The following PCDHGA3 variants were observed in gnomAD, a reference collection of about 807,000 sequenced individuals.
PCDHGA3 encodes the protein protocadherin gamma subfamily A, 3, also known as protocadherin gamma-A3.
Under a neutral mutation model 58.5 loss-of-function variants are expected in PCDHGA3, and 40 were observed. The ratio of observed to expected loss-of-function variants is 0.68; its 90% CI spans 0.53 to 0.89. The LOEUF (loss-of-function observed/expected upper bound fraction) is 0.89. Among genes scored for constraint, PCDHGA3 ranks in the 40% least tolerant of loss-of-function variants. The probability of loss-of-function intolerance (pLI) is 0.00; values close to 1 mark genes in which losing one functional copy is unlikely to be tolerated. For synonymous variants in PCDHGA3, 530 were observed against 525.7 expected (o/e 1.01, Z -0.11); for missense variants, 1,223 against 1,195.9 (o/e 1.02, Z -0.33).
chr5:141,486,608 G>A lies in PCDHGA3; in HGVS notation c.2425-8199G>A. On this transcript the variant is annotated intron_variant, in intron 1 of 3. Transcript: ENST00000253812. The surrounding 1 kb of genome is among the most constrained non-coding windows in gnomAD (Gnocchi z 5.0). ...AGGGGACCTGCTTTGCTCCCTTGCAGCCTCTGACCCAGACTCTGGCTTGAA... is the reference window on the plus strand; with the variant it reads ...AGGGGACCTGCTTTGCTCCCTTGCAACCTCTGACCCAGACTCTGGCTTGAA... 3 of 1,613,546 alleles carry A rather than the reference G, an allele frequency of 1.9e-6. No homozygotes were observed. The highest frequency in any genetic ancestry group is 2.5e-6 in the Non-Finnish European group (3 of 1,180,024).
At chr5:141,368,396 C>T (rs1039446305) in intron 1 of PCDHGA3, among the ~76,000 whole-genome samples, 12 of 152,102 alleles carry the variant, frequency 7.9e-5, no homozygotes, top group African/African-American at 2.9e-4. Flanking sequence ...CACACACAAA[C>T]ACACATACAT....
Position 141,416,159 on chromosome 5 carries a change from T to C in PCDHGA3, c.2424+69702T>C, listed in dbSNP as rs116406525. ...CTATACTTTGTGGTGATAGTTGCAG[T>C]TGAATATACTAAGTTTTTCATTAAT... On this transcript the variant is annotated intron_variant, in intron 1 of 3. Transcript: ENST00000253812. 1,471 of 153,024 alleles carry C rather than the reference T, an allele frequency of 9.6e-3. 10 individuals carry two copies. Among genetic ancestry groups the C allele is most frequent in the Non-Finnish European group, 0.015 (1,026 of 68,518 alleles). 9.5% of individuals were successfully genotyped at this position (153,024 alleles called of 1,614,324 possible).
At chr5:141,415,182 C>A (rs2095840318) in intron 1 of PCDHGA3, 1 of 1,613,842 alleles carries the variant, frequency 6.2e-7, no homozygotes, top group Admixed American at 1.7e-5. Flanking sequence ...TGGCCGTGGC[C>A]GACAGCATCC....
chr5:141,353,795 T>C (rs1759386417), intron 1 of PCDHGA3, among the ~76,000 whole-genome samples: 1 of 152,218 alleles, frequency 6.6e-6, no homozygotes. Flanking sequence ...TTTCCAAACA[T>C]CTTATTTCAC....
chr5:141,390,728 G>A (rs550991911), intron 1 of PCDHGA3: 12 of 194,328 alleles, frequency 6.2e-5, no homozygotes, highest in Admixed American at 2.2e-4. Context: ...AATTTAACTG[G>A]TATGGTCTCC....
At chr5:141,428,136 G>A in intron 1 of PCDHGA3, 2 of 1,600,778 alleles carry the variant, frequency 1.2e-6, no homozygotes, top group South Asian at 1.1e-5. Flanking sequence ...TTTCAGCCTG[G>A]GGCTGCACAC....
At chr5:141,444,183 T>G (rs2098423667) in intron 1 of PCDHGA3, among the ~76,000 whole-genome samples, 1 of 138,396 alleles carries the variant, frequency 7.2e-6, no homozygotes, top group African/African-American at 2.8e-5. Flanking sequence ...TTTTTTTTTT[T>G]TTTTTGAGAT....
At chr5:141,394,657 G>A (rs1179529074) in intron 1 of PCDHGA3, 2 of 1,613,220 alleles carry the variant, frequency 1.2e-6, no homozygotes, top group East Asian at 2.2e-5. Flanking sequence ...AGCGAGCCGG[G>A]ACTCTTCTCG....
Position 141,489,941 on chromosome 5 carries a change from A to G in PCDHGA3, c.2425-4866A>G. Reference sequence around the variant, plus strand: ...ACCCTTATCTCTGTCATCGTGCTGGACATCAATGATAATGCTCCAACCTTC... The same window carrying G: ...ACCCTTATCTCTGTCATCGTGCTGGGCATCAATGATAATGCTCCAACCTTC... On this transcript the variant is annotated intron_variant, in intron 1 of 3. Transcript: ENST00000253812. The surrounding 1 kb of genome is among the most constrained non-coding windows in gnomAD (Gnocchi z 4.5). 1.2e-6 allele frequency: 2 copies of G among 1,614,228 alleles called. No homozygotes were observed. The highest frequency in any genetic ancestry group is 1.7e-6 in the Non-Finnish European group (2 of 1,180,034).
intron 1 of PCDHGA3, chr5:141,409,185 C>G (rs765063807): frequency 6.2e-7 from 1 of 1,614,024 alleles, no homozygotes; most frequent in South Asian, 1.1e-5. Flanking sequence ...GGTGGTCTCT[C>G]TACCCAGTGT....
chr5:141,356,178 T>G, intron 1 of PCDHGA3: 1 of 1,612,292 alleles, frequency 6.2e-7, no homozygotes, highest in Non-Finnish European at 8.5e-7. Flanking sequence ...ATGGGCCTGG[T>G]CTCCGAGCTA....
rs1182631562 is a variant in PCDHGA3, at chr5:141,345,356, T to A, written c.1323T>A (p.His441Gln). 1 of 1,614,098 alleles carries A rather than the reference T, an allele frequency of 6.2e-7. No homozygotes were observed. The highest frequency in any genetic ancestry group is 1.3e-5 in the African/African-American group (1 of 75,016). The change falls in exon 1 of 4, where the codon CAT (histidine) becomes CAA (glutamine). Residue 441 changes from histidine (H) to glutamine (Q), a missense_variant. Around this residue, in one of 3 missense-constraint regions of PCDHGA3, gnomAD observed 791 missense variants for 708.5 expected, o/e 1.12. Coordinates refer to ENST00000253812, the MANE Select transcript of PCDHGA3 (RefSeq NM_018916.4). ...CCACAGAAACTCACATCACCCTGCATGTGATTGACATCAATGACAACCCAC... is the reference window on the plus strand; with the variant it reads ...CCACAGAAACTCACATCACCCTGCAAGTGATTGACATCAATGACAACCCAC... ...PLSTETHITL[H>Q]VIDINDNPPT...
intron 1 of PCDHGA3, among the ~76,000 whole-genome samples, chr5:141,452,745 GGAA>G (rs2098748194): frequency 6.6e-6 from 1 of 152,054 alleles, no homozygotes; most frequent in Non-Finnish European, 1.5e-5. Flanking sequence ...AGAGAGAGAA[GGAA>G]GAAGGAAGGG....
intron 1 of PCDHGA3, chr5:141,364,619 G>T (rs764798507): frequency 6.2e-6 from 10 of 1,614,152 alleles, no homozygotes; most frequent in Non-Finnish European, 8.5e-6. Context: ...GGAGCTCTGC[G>T]CTCAGAGCCC....
intron 1 of PCDHGA3, chr5:141,374,002 C>A (rs1770015960): frequency 1.5e-6 from 2 of 1,320,574 alleles, no homozygotes; most frequent in South Asian, 4.1e-5. Flanking sequence ...AGGACCTTCA[C>A]CGCTATTTCT....
chr5:141,464,290 A>AC (rs1287070540), intron 1 of PCDHGA3, among the ~76,000 whole-genome samples: 1 of 149,916 alleles, frequency 6.7e-6, no homozygotes, highest in Non-Finnish European at 1.5e-5. Context: ...AAAAAAAAAA[A>AC]CTCCATTGTA....
chr5:141,468,330 CAA>C lies in PCDHGA3; in HGVS notation c.2425-26459_2425-26458del, dbSNP rs533390277. 202 of 79,822 alleles carry C rather than the reference CAA, an allele frequency of 2.5e-3. 2 individuals are homozygous for C. The highest frequency in any genetic ancestry group is 7.9e-3 in the Middle Eastern group (1 of 126). The allele number at this position is 79,822 out of a possible 1,614,324, so 4.9% of individuals were successfully genotyped here. Reference sequence around the variant, plus strand: ...ACAAGAGCAACGGTAAACTCCATCTCAAAAAAAAAAAAAAAAAAAGAAAGAAA... The same window carrying C: ...ACAAGAGCAACGGTAAACTCCATCTCAAAAAAAAAAAAAAAAAGAAAGAAA... On this transcript the variant is annotated intron_variant, in intron 1 of 3. Transcript: ENST00000253812.
intron 3 of PCDHGA3, among the ~76,000 whole-genome samples, chr5:141,509,381 C>T (rs181928019): frequency 6.6e-6 from 1 of 152,256 alleles, no homozygotes; most frequent in East Asian, 1.9e-4. Flanking sequence ...TGTCTCCTAA[C>T]CACAGAGGAT....
At chr5:141,478,287 G>C (rs777542913) in intron 1 of PCDHGA3, 1 of 1,614,154 alleles carries the variant, frequency 6.2e-7, no homozygotes, top group South Asian at 1.1e-5. Context: ...AAGCAGTCTA[G>C]AGACCTATAC....
Sources: allele counts gnomAD v4.1 joint callset (sites outside exome capture counted in the v4.1 genomes callset), GRCh38; gene constraint gnomAD v4.1.1; regional missense constraint gnomAD v4.1.1; non-coding constraint Gnocchi (gnomAD v3.1); transcripts MANE v1.5; gene names NCBI Gene and HGNC (gene_info 2026-07-23, HGNC 2026-07-21).